TMPRSS11A: variants seen among roughly 807,000 people sequenced by gnomAD.
The protein encoded by TMPRSS11A is transmembrane protease serine 11A.
TMPRSS11A carries 53 observed loss-of-function variants against 58.9 expected under a neutral mutation model. The ratio of observed to expected loss-of-function variants is 0.90; its 90% CI spans 0.72 to 1.13. The LOEUF (loss-of-function observed/expected upper bound fraction) is 1.13, where lower values mean the gene tolerates loss of function less well. Among genes scored for constraint, TMPRSS11A ranks in the 50% most tolerant of loss-of-function variants. TMPRSS11A has a pLI of 0.00. For synonymous variants in TMPRSS11A, 167 were observed against 169.8 expected (o/e 0.98, Z 0.13); for missense variants, 493 against 499.3 (o/e 0.99, Z 0.12).
intron 1 of TMPRSS11A, among the ~76,000 whole-genome samples, chr4:67,960,869 C>A (rs1721406213): frequency 6.6e-6 from 1 of 152,084 alleles, no homozygotes; most frequent in African/African-American, 2.4e-5. Context: ...TTAAACAATG[C>A]TGAAAATAAA....
At chr4:67,951,641 A>G (rs998155537) in intron 1 of TMPRSS11A, among the ~76,000 whole-genome samples, 1 of 151,686 alleles carries the variant, frequency 6.6e-6, no homozygotes, top group Admixed American at 6.6e-5. Flanking sequence ...ATAAATGTAG[A>G]TGCATGTGAC....
At chr4:67,933,420 G>A (rs79637503) in intron 3 of TMPRSS11A, among the ~76,000 whole-genome samples, 3,315 of 152,176 alleles carry the variant, frequency 0.022, 125 homozygotes, top group African/African-American at 0.074. Flanking sequence ...TGTTAAATGT[G>A]ATGTAAATTT....
chr4:67,915,918 A>G (rs1720132143), intron 8 of TMPRSS11A, among the ~76,000 whole-genome samples: 3 of 152,224 alleles, frequency 2.0e-5, no homozygotes, highest in Admixed American at 1.3e-4. Context: ...TATTTGTTAC[A>G]CATTTATAAA....
intron 4 of TMPRSS11A, among the ~76,000 whole-genome samples, chr4:67,931,404 G>A (rs1360754923): frequency 6.6e-6 from 1 of 152,062 alleles, no homozygotes; most frequent in Non-Finnish European, 1.5e-5. Flanking sequence ...TATATGACAT[G>A]CGTGTTCTGC....
intron 4 of TMPRSS11A, among the ~76,000 whole-genome samples, chr4:67,930,829 T>TTTTTA (rs1265700805): frequency 0.019 from 1,672 of 89,100 alleles, 11 homozygotes; most frequent in East Asian, 0.096. Context: ...TTTTTTTTTT[T>TTTTTA]ACAAAAAAAA....
intron 7 of TMPRSS11A, among the ~76,000 whole-genome samples, chr4:67,921,146 A>G (rs890277213): frequency 6.6e-6 from 1 of 152,194 alleles, no homozygotes; most frequent in Non-Finnish European, 1.5e-5. Context: ...TTTGGTGTTC[A>G]ATGCTATAAA....
At chr4:67,920,397 A>G (rs1299238148) in intron 7 of TMPRSS11A, among the ~76,000 whole-genome samples, 1 of 151,802 alleles carries the variant, frequency 6.6e-6, no homozygotes, top group Non-Finnish European at 1.5e-5. Context: ...CACTAGTCAC[A>G]CATCTGTCTT....
rs900877972 is a variant in TMPRSS11A, at chr4:67,909,810, T to C, written c.*1532A>G. ...AAGAATATACTCATATTCTTAAACA[T>C]AACATAAGTATATTGGCCTATGTGA... is the stretch of plus-strand genomic sequence containing the variant. On this transcript the variant is annotated 3_prime_UTR_variant, in exon 10 of 10. Coordinates refer to ENST00000508048, the MANE Select transcript of TMPRSS11A (RefSeq NM_001114387.2). 1 of 152,102 alleles carries C rather than the reference T, an allele frequency of 6.6e-6. No homozygotes were observed. Among genetic ancestry groups the C allele is most frequent in the East Asian group, 1.9e-4 (1 of 5,204 alleles). The allele number at this position is 152,102 out of a possible 1,614,324, so 9.4% of individuals were successfully genotyped here.
At position 67,961,348 on chromosome 4, in the gene TMPRSS11A, C is replaced by T. The variant is rs565580128; in HGVS notation, c.11+2035G>A. Among the ~76,000 whole-genome samples, 6 of 152,268 alleles carry T rather than the reference C, an allele frequency of 3.9e-5. No individual in the cohort carries two copies. The East Asian group carries it at 5.8e-4, about 15-fold the overall frequency. ...AAGCCTACTTGTTGGTGTGACCTGA[C>T]ATCTCCTGCAAATCTTCCAAATCCT... On this transcript the variant is annotated intron_variant, in intron 1 of 9. Transcript: ENST00000508048.
intron 3 of TMPRSS11A, among the ~76,000 whole-genome samples, chr4:67,942,431 A>C (rs1404491311): frequency 6.6e-6 from 1 of 152,232 alleles, no homozygotes; most frequent in Non-Finnish European, 1.5e-5. Flanking sequence ...TCTATGAACC[A>C]GGAAGCAGGC....
At chr4:67,951,079 C>T (rs1035045655) in intron 1 of TMPRSS11A, among the ~76,000 whole-genome samples, 1 of 152,232 alleles carries the variant, frequency 6.6e-6, no homozygotes, top group Non-Finnish European at 1.5e-5. Flanking sequence ...TACAGATGAT[C>T]CTTATTCACA....
intron 3 of TMPRSS11A, among the ~76,000 whole-genome samples, chr4:67,943,234 A>C (rs1720921603): frequency 1.3e-5 from 2 of 152,140 alleles, no homozygotes; most frequent in Non-Finnish European, 2.9e-5. Context: ...GCACCTCCGC[A>C]TTTCTCTCAC....
In TMPRSS11A at chr4:67,919,219, G is replaced by A. The variant is rs995588282; in HGVS notation, c.706C>T (p.His236Tyr). The A allele has an allele frequency of 6.2e-7, 1 of 1,613,802 alleles. No homozygotes were observed. Among genetic ancestry groups the A allele is most frequent in the South Asian group, 1.1e-5 (1 of 91,086 alleles). Residue 236 changes from histidine (H) to tyrosine (Y), a missense_variant, in exon 8 of 10, where the codon CAT (histidine) becomes TAT (tyrosine). Physicochemically the swap from His to Tyr is moderately conservative, Grantham distance 83. Coordinates refer to ENST00000508048, the MANE Select transcript of TMPRSS11A (RefSeq NM_001114387.2). The part of the protein sequence containing the change: ...AHCFQKYKNP[H>Y]QWTVSFGTKI... ...GTTCCAAAACTAACAGTCCATTGAT[G>A]TGGATTTTTATACCTGGAAAAGGTT...
Position 67,946,459 on chromosome 4 carries a change from G to A in TMPRSS11A, c.124C>T (p.Leu42=). ...CTTTAATTTTACCTACCAAATACTA[G>A]GAAGTGAACCAGGAGACCTATGGTC... ...AVTIGLLVHF[L]VFDQKKEYYH... Residue 42 remains leucine (L), a synonymous_variant, in exon 2 of 10, where the codon CTA becomes TTA. Transcript: ENST00000508048. 2 of 1,600,260 alleles carry A rather than the reference G, an allele frequency of 1.2e-6. No individual in the cohort carries two copies. Among genetic ancestry groups the A allele is most frequent in the Non-Finnish European group, 1.7e-6 (2 of 1,174,296 alleles).
chr4:67,939,257 A>G (rs146525644), intron 3 of TMPRSS11A, among the ~76,000 whole-genome samples: 1,656 of 152,276 alleles, frequency 0.011, 27 homozygotes, highest in African/African-American at 0.037. Flanking sequence ...AATTTTGTAC[A>G]TTGATTTTGT....
At chr4:67,912,953 T>C (rs188723850) in intron 9 of TMPRSS11A, among the ~76,000 whole-genome samples, 15 of 152,272 alleles carry the variant, frequency 9.9e-5, no homozygotes, top group Non-Finnish European at 1.9e-4. Flanking sequence ...GCTTATCCTC[T>C]AGTTTTCTTA....
intron 1 of TMPRSS11A, among the ~76,000 whole-genome samples, chr4:67,951,213 T>C (rs1267908215): frequency 6.6e-6 from 1 of 152,260 alleles, no homozygotes; most frequent in Non-Finnish European, 1.5e-5. Context: ...GATGTAGTCA[T>C]GCCAGGTTTT....
chr4:67,937,427 G>A (rs1488628347), intron 3 of TMPRSS11A, among the ~76,000 whole-genome samples: 1 of 152,138 alleles, frequency 6.6e-6, no homozygotes, highest in African/African-American at 2.4e-5. Flanking sequence ...AAGTTAGCTA[G>A]CACAGCATAG....
chr4:67,914,093 A>G (rs1422074840), intron 9 of TMPRSS11A, among the ~76,000 whole-genome samples: 1 of 152,174 alleles, frequency 6.6e-6, no homozygotes, highest in Non-Finnish European at 1.5e-5. Context: ...TATGAATTGT[A>G]ATTTCACACC....
Sources: allele counts gnomAD v4.1 joint callset (sites outside exome capture counted in the v4.1 genomes callset), GRCh38; gene constraint gnomAD v4.1.1; transcripts MANE v1.5; gene names NCBI Gene and HGNC (gene_info 2026-07-23, HGNC 2026-07-21).